Variants in ERMP1 observed in about 807,000 individuals in gnomAD.
ERMP1 encodes the protein endoplasmic reticulum metallopeptidase 1.
In ERMP1, 86 loss-of-function variants were observed where a neutral mutation model predicts 92.0. That is an observed-to-expected ratio of 0.93 (90% CI 0.79 to 1.12). ERMP1 has a LOEUF of 1.12. Among genes scored for constraint, ERMP1 ranks in the 50% most tolerant of loss-of-function variants. The pLI is 0.00. For missense variants in ERMP1, 1,342 were observed against 1,116.3 expected (o/e 1.20, Z -2.88); for synonymous variants, 530 against 412.8 (o/e 1.28, Z -3.44).
At chr9:5,832,620 C>A in intron 1 of ERMP1, 70 bp downstream of exon 1, 1 of 1,224,198 alleles carries the variant, frequency 8.2e-7, no homozygotes. Flanking sequence ...CACACAGGTG[C>A]GGTGCCCCGG....
At chr9:5,808,100 GGT>G (rs915025004) in intron 8 of ERMP1, among the ~76,000 whole-genome samples, 4 of 152,100 alleles carry the variant, frequency 2.6e-5, no homozygotes, top group Admixed American at 2.6e-4. Flanking sequence ...TGGGATTACA[GGT>G]GTAAGCCACC....
intron 2 of ERMP1, 119 bp downstream of exon 2, chr9:5,830,608 C>G (rs910353136): frequency 1.5e-6 from 1 of 688,330 alleles, no homozygotes; most frequent in Non-Finnish European, 2.4e-6. Flanking sequence ...CTTTCCATCA[C>G]AAAGAAAAAA....
intron 4 of ERMP1, among the ~76,000 whole-genome samples, chr9:5,817,432 C>T (rs1304873483): frequency 1.3e-5 from 2 of 152,166 alleles, no homozygotes; most frequent in Admixed American, 6.5e-5. Context: ...TCAGGTGATC[C>T]GCCCGCCTTG....
chr9:5,821,738 G>C (rs145411683), intron 4 of ERMP1, among the ~76,000 whole-genome samples: 59 of 152,350 alleles, frequency 3.9e-4, no homozygotes, highest in African/African-American at 1.4e-3. Flanking sequence ...GGGGCAAGGT[G>C]CTGTGCTAAT....
At chr9:5,792,428 T>C (rs985916472) in intron 13 of ERMP1, among the ~76,000 whole-genome samples, 1 of 152,166 alleles carries the variant, frequency 6.6e-6, no homozygotes, top group Non-Finnish European at 1.5e-5. Flanking sequence ...CCAAAAAAGA[T>C]AAAGTCATAA....
chr9:5,861,023 C>T (rs1830469662), intron 5 of ERMP1, among the ~76,000 whole-genome samples: 1 of 152,174 alleles, frequency 6.6e-6, no homozygotes, highest in African/African-American at 2.4e-5. Context: ...TGAGCCCATA[C>T]ATTTCTGTTC....
intron 4 of ERMP1, among the ~76,000 whole-genome samples, chr9:5,820,501 C>G (rs1357653608): frequency 6.6e-6 from 1 of 152,208 alleles, no homozygotes; most frequent in Non-Finnish European, 1.5e-5. Context: ...AAAAAAGATT[C>G]TGTGACCCTT....
chr9:5,850,642 C>A (rs140104622), intron 6 of ERMP1, among the ~76,000 whole-genome samples: 1,535 of 152,186 alleles, frequency 0.01, 14 homozygotes, highest in Non-Finnish European at 0.015. Flanking sequence ...ATCAGAAAAA[C>A]CCAAAAACAA....
chr9:5,830,513 C>T (rs1829898014), intron 2 of ERMP1, among the ~76,000 whole-genome samples: 1 of 152,124 alleles, frequency 6.6e-6, no homozygotes, highest in Non-Finnish European at 1.5e-5. Context: ...CTGGCATTAA[C>T]ACCAAAAAAT....
Position 5,830,879 on chromosome 9 carries a change from C to G in ERMP1, c.488G>C (p.Arg163Pro). The G allele has an allele frequency of 6.2e-7, 1 of 1,614,128 alleles. No homozygotes were observed. The highest frequency in any genetic ancestry group is 8.5e-7 in the Non-Finnish European group (1 of 1,180,014). Residue 163 changes from arginine to proline, a missense_variant, in exon 2 of 15, where the codon CGG (arginine) becomes CCG (proline). Transcript: ENST00000339450. ...ATCAATGCTAAAAGAGCCTGTGGGC[C>G]GTTGTACATCTACTGAAATCTTATG... ...SLHKISVDVQ[R>P]PTGSFSIDFL...
At chr9:5,853,591 C>A (rs1037219760) in intron 6 of ERMP1, among the ~76,000 whole-genome samples, 26 of 151,998 alleles carry the variant, frequency 1.7e-4, no homozygotes, top group African/African-American at 6.0e-4. Context: ...GAAACAAGGA[C>A]CAGGAAATCA....
At chr9:5,837,411 A>G (rs932130273), upstream of ERMP1, among the ~76,000 whole-genome samples, 4 of 152,208 alleles carry the variant, frequency 2.6e-5, no homozygotes, top group African/African-American at 9.6e-5. Flanking sequence ...TAGTACAAAA[A>G]TAAGATGAAT....
At chr9:5,840,052 G>A (rs1232091262) in intron 6 of ERMP1, among the ~76,000 whole-genome samples, 1 of 152,180 alleles carries the variant, frequency 6.6e-6, no homozygotes, top group Non-Finnish European at 1.5e-5. Flanking sequence ...GACCAACCTG[G>A]CCAACATGGT....
rs1586758634 is a variant in ERMP1, at chr9:5,787,650, A to C, written c.2387-57T>G. ...TCTTTTTAAAAGGATCAAAAAAATA[A>C]CCCACAATCCAAACCAGACTTCATA... is the stretch of plus-strand genomic sequence containing the variant. On this transcript the variant is annotated intron_variant, in intron 13 of 14. Transcript: ENST00000339450. The C allele has an allele frequency of 2.6e-6, 4 of 1,538,124 alleles. No individual in the cohort carries two copies. The East Asian group carries it at 9.0e-5, about 35-fold the overall frequency.
intron 6 of ERMP1, chr9:5,855,938 C>T (rs1830368241): frequency 3.8e-6 from 1 of 260,216 alleles, no homozygotes. Context: ...ACTGTCTTAT[C>T]CTGGCAGCAA....
At chr9:5,824,725 A>G (rs564110051) in intron 3 of ERMP1, among the ~76,000 whole-genome samples, 129 of 152,274 alleles carry the variant, frequency 8.5e-4, no homozygotes, top group Non-Finnish European at 7.1e-4. Context: ...AAAAGAAAGA[A>G]AAAAAAGAGA....
intron 2 of ERMP1, among the ~76,000 whole-genome samples, chr9:5,827,895 G>A (rs932050028): frequency 2.3e-4 from 35 of 150,384 alleles, no homozygotes; most frequent in Admixed American, 6.0e-4. Context: ...AGAGAATGGC[G>A]TGAACCCGGG....
intron 2 of ERMP1, among the ~76,000 whole-genome samples, chr9:5,827,442 G>A (rs1829767897): frequency 6.6e-6 from 1 of 152,198 alleles, no homozygotes; most frequent in African/African-American, 2.4e-5. Context: ...AAGCTACCCA[G>A]GACTGCAGGT....
Position 5,832,878 on chromosome 9 carries a change from C to G in ERMP1, c.150G>C (p.Arg50=). 1 of 1,532,198 alleles carries G rather than the reference C, an allele frequency of 6.5e-7. No individual in the cohort carries two copies. Among genetic ancestry groups the G allele is most frequent in the Non-Finnish European group, 8.7e-7 (1 of 1,149,416 alleles). 94.9% of individuals were successfully genotyped at this position (1,532,198 alleles called of 1,614,324 possible). A position where few individuals can be genotyped will look rare whatever the true frequency, so the allele number is the denominator to read the frequency against. The change falls in exon 1 of 15, where the codon CGG becomes CGC. Residue 50 remains arginine, a synonymous_variant. Transcript: ENST00000339450. ...VDGCSGGGRT[R]KRSPGGSGGA... The stretch of plus-strand genomic sequence containing the variant: ...CGCCGCTACCCCCGGGGCTCCTCTT[C>G]CGCGTCCTCCCGCCGCCGCTGCACC...
Sources: allele counts gnomAD v4.1 joint callset (sites outside exome capture counted in the v4.1 genomes callset), GRCh38; gene constraint gnomAD v4.1.1; transcripts MANE v1.5; gene names NCBI Gene and HGNC (gene_info 2026-07-23, HGNC 2026-07-21).